NBEA: variants seen among roughly 807,000 people sequenced by gnomAD.
The protein encoded by NBEA is lysosomal-trafficking regulator 2.
A neutral mutation model predicts 343.4 loss-of-function variants in NBEA; 44 were observed. The observed-to-expected ratio is 0.13, with a 90% confidence interval of 0.10 to 0.16. NBEA has a LOEUF of 0.16. Among genes scored for constraint, NBEA ranks in the 10% least tolerant of loss-of-function variants. The pLI, the probability that NBEA is intolerant of heterozygous loss-of-function variation, is 1.00. For synonymous variants in NBEA, 1,175 were observed against 1,238.7 expected (o/e 0.95, Z 1.08); for missense variants, 2,555 against 3,631.3 (o/e 0.70, Z 7.62).
At chr13:35,312,809 T>C (rs1371594946) in intron 36 of NBEA, among the ~76,000 whole-genome samples, 1 of 152,176 alleles carries the variant, frequency 6.6e-6, no homozygotes, top group African/African-American at 2.4e-5. Flanking sequence ...ACTAATAGTT[T>C]ACAGTATAAG....
rs541696649 is a variant in NBEA, at chr13:35,411,653, G to T, written c.6180-20616G>T. Reference sequence around the variant, plus strand: ...TTTCTTTTTTGTTTTTTGTTTTGTTGTTGTTGTTGTTGTTGTTTAGTTTTT... The same window carrying T: ...TTTCTTTTTTGTTTTTTGTTTTGTTTTTGTTGTTGTTGTTGTTTAGTTTTT... On this transcript the variant is annotated intron_variant, in intron 38 of 58. Coordinates refer to ENST00000379939, the MANE Select transcript of NBEA (RefSeq NM_001385012.1). Among the ~76,000 whole-genome samples, 1,306 of 144,968 alleles carry T rather than the reference G, an allele frequency of 9.0e-3. 25 individuals are homozygous for T. The highest frequency in any genetic ancestry group is 0.03 in the African/African-American group (1,206 of 39,920).
chr13:35,093,604 T>C (rs1055966967), intron 10 of NBEA, among the ~76,000 whole-genome samples: 3 of 152,000 alleles, frequency 2.0e-5, no homozygotes, highest in Non-Finnish European at 2.9e-5. Flanking sequence ...TGTTTTGACC[T>C]TGAAGGGCAT....
intron 10 of NBEA, among the ~76,000 whole-genome samples, chr13:35,081,292 T>C (rs1329733807): frequency 6.6e-6 from 1 of 152,164 alleles, no homozygotes; most frequent in Non-Finnish European, 1.5e-5. Flanking sequence ...TGGCATTTTC[T>C]GTATTTGTGG....
chr13:35,060,449 G>A (rs749740319), intron 8 of NBEA, among the ~76,000 whole-genome samples: 70 of 151,736 alleles, frequency 4.6e-4, no homozygotes, highest in Non-Finnish European at 8.4e-4. Context: ...TGTGTACACA[G>A]CTCATGTGAC....
chr13:35,305,634 A>C (rs1055428639), intron 35 of NBEA, among the ~76,000 whole-genome samples: 1 of 152,108 alleles, frequency 6.6e-6, no homozygotes, highest in South Asian at 2.1e-4. Flanking sequence ...GTTCCAGACA[A>C]TTGCAACATA....
intron 10 of NBEA, among the ~76,000 whole-genome samples, chr13:35,092,841 C>T (rs542741462): frequency 6.6e-6 from 1 of 152,078 alleles, no homozygotes; most frequent in African/African-American, 2.4e-5. Flanking sequence ...TTCTACTCCT[C>T]GGCATTTATT....
intron 53 of NBEA, among the ~76,000 whole-genome samples, chr13:35,653,811 A>C (rs992511933): frequency 6.6e-6 from 1 of 152,208 alleles, no homozygotes; most frequent in Non-Finnish European, 1.5e-5. Flanking sequence ...TTTCCAGTAG[A>C]CATTGACAAT....
chr13:35,011,073 T>C (rs1325494381), intron 1 of NBEA, among the ~76,000 whole-genome samples: 1 of 151,594 alleles, frequency 6.6e-6, no homozygotes, highest in Non-Finnish European at 1.5e-5. Context: ...GGGGAACAGG[T>C]ATGGAATGTA....
intron 33 of NBEA, among the ~76,000 whole-genome samples, chr13:35,212,873 G>A (rs1202181592): frequency 6.6e-6 from 1 of 151,590 alleles, no homozygotes; most frequent in Non-Finnish European, 1.5e-5. Context: ...TAAATTGTGG[G>A]CTTTTTTTTG....
chr13:35,604,813 C>A (rs1343732846), intron 47 of NBEA, among the ~76,000 whole-genome samples: 1 of 152,016 alleles, frequency 6.6e-6, no homozygotes, highest in African/African-American at 2.4e-5. Context: ...GGTGCCCGGC[C>A]CCCTCTTCTG....
chr13:35,044,119 CTGTT>C (rs2062757311), intron 2 of NBEA, among the ~76,000 whole-genome samples: 1 of 152,054 alleles, frequency 6.6e-6, no homozygotes, highest in Non-Finnish European at 1.5e-5. Context: ...GCTGGTGTGT[CTGTT>C]ATATGCACAT....
At chr13:35,327,427 C>T (rs2038642772) in intron 36 of NBEA, among the ~76,000 whole-genome samples, 1 of 152,016 alleles carries the variant, frequency 6.6e-6, no homozygotes, top group African/African-American at 2.4e-5. Context: ...ATGTACACAC[C>T]ATGGAATACT....
At chr13:35,116,382 T>C (rs2066492059) in intron 13 of NBEA, among the ~76,000 whole-genome samples, 1 of 152,156 alleles carries the variant, frequency 6.6e-6, no homozygotes, top group Non-Finnish European at 1.5e-5. Flanking sequence ...GTATGTTTTC[T>C]GTACATTGGC....
intron 1 of NBEA, among the ~76,000 whole-genome samples, chr13:34,952,073 GAAGT>G (rs2059366699): frequency 6.6e-6 from 1 of 152,180 alleles, no homozygotes; most frequent in East Asian, 1.9e-4. Flanking sequence ...TAGAAAATGT[GAAGT>G]AATTAGACAA....
At chr13:35,322,386 C>T (rs961073089) in intron 36 of NBEA, among the ~76,000 whole-genome samples, 5 of 152,106 alleles carry the variant, frequency 3.3e-5, no homozygotes, top group Non-Finnish European at 7.4e-5. Context: ...CCAGGTGAGG[C>T]GATGCCCCAC....
At chr13:35,117,708 A>G (rs948645158) in intron 14 of NBEA, among the ~76,000 whole-genome samples, 2 of 152,032 alleles carry the variant, frequency 1.3e-5, no homozygotes, top group African/African-American at 4.8e-5. Flanking sequence ...ACAGAAATGG[A>G]CAAGGAACAT....
rs1420220510 is a variant in NBEA at position 35,159,084 on chromosome 13, A to C, written c.2913A>C (p.Glu971Asp). The C allele has an allele frequency of 5.0e-6, 8 of 1,613,454 alleles. No homozygotes were observed. The highest frequency in any genetic ancestry group is 6.8e-6 in the Non-Finnish European group (8 of 1,179,602). ...MYEEYQRQEE[E>D]NIKKGKKGNV... ...AGGAATATCAAAGACAAGAGGAGGA[A>C]AACATTAAAAAGGGAAAGAAAGGGA... The change falls in exon 22 of 59, where the codon GAA becomes GAC. Residue 971 changes from glutamate (E) to aspartate (D), a missense_variant. Coordinates refer to ENST00000379939, the MANE Select transcript of NBEA (RefSeq NM_001385012.1).
intron 39 of NBEA, among the ~76,000 whole-genome samples, chr13:35,440,946 C>T (rs2045707609): frequency 6.6e-6 from 1 of 152,146 alleles, no homozygotes. Context: ...TACATCAGAA[C>T]AGATGAACTT....
rs528040988 is a variant in NBEA, at chr13:35,088,106, C to T, written c.1572-10191C>T. Among the ~76,000 whole-genome samples the T allele has an allele frequency of 1.5e-4, 23 of 151,914 alleles. No homozygotes were observed. In the South Asian group the frequency reaches 1.9e-3, roughly 12 times the overall value. On this transcript the variant is annotated intron_variant, in intron 10 of 58. Transcript: ENST00000379939. ...GTTAGTGTCAGACAGGAATCTATTA[C>T]GGAGGTTGAAAAATCCTCCATTATT... is the stretch of plus-strand genomic sequence containing the variant.
Sources: allele counts gnomAD v4.1 joint callset (sites outside exome capture counted in the v4.1 genomes callset), GRCh38; gene constraint gnomAD v4.1.1; transcripts MANE v1.5; gene names NCBI Gene and HGNC (gene_info 2026-07-23, HGNC 2026-07-21).